Variants in TMEM184C observed in about 807,000 individuals in gnomAD.
TMEM184C encodes transmembrane protein 34.
In TMEM184C, 25 loss-of-function variants were observed where a neutral mutation model predicts 54.5. That is an observed-to-expected ratio of 0.46 (90% CI 0.33 to 0.64). The LOEUF is 0.64. Ranked by LOEUF, TMEM184C falls within the 30% of genes least tolerant of loss-of-function variation. The pLI is 0.02. For synonymous variants in TMEM184C, 148 were observed against 181.5 expected (o/e 0.82, Z 1.49); for missense variants, 335 against 520.3 (o/e 0.64, Z 3.46).
At chr4:147,618,337 A>G (rs181016416) in intron 1 of TMEM184C, among the ~76,000 whole-genome samples, 1 of 152,216 alleles carries the variant, frequency 6.6e-6, no homozygotes, top group African/African-American at 2.4e-5. Flanking sequence ...GCAAGTATTC[A>G]TCAGTTCCCT....
At chr4:147,620,177 T>A (rs978618910) in intron 1 of TMEM184C, among the ~76,000 whole-genome samples, 1 of 152,166 alleles carries the variant, frequency 6.6e-6, no homozygotes, top group African/African-American at 2.4e-5. Flanking sequence ...CATTGTCAAC[T>A]TCCCCCCACC....
chr4:147,631,415 T>C lies in TMEM184C; in HGVS notation c.689T>C (p.Leu230Pro). 6.3e-7 allele frequency: 1 copy of C among 1,594,460 alleles called. No homozygotes were observed. The highest frequency in any genetic ancestry group is 8.5e-7 in the Non-Finnish European group (1 of 1,175,838). ...SQLFAMYCLL[L>P]FYKVLKEELS... is the part of the protein sequence containing the mutation. The stretch of plus-strand genomic sequence containing the variant: ...TAGTTTGCCATGTATTGTCTCCTGC[T>C]CTTTTATAAAGTACTAAAAGAAGAA... The change falls in exon 7 of 10, where the codon CTC (leucine) becomes CCC (proline). Residue 230 changes from leucine (L) to proline (P), a missense_variant. By Grantham distance (98) the Leu-to-Pro change is moderately conservative. Transcript: ENST00000296582.
intron 1 of TMEM184C, among the ~76,000 whole-genome samples, chr4:147,619,988 T>C (rs922232066): frequency 2.6e-5 from 4 of 152,180 alleles, no homozygotes; most frequent in African/African-American, 7.2e-5. Context: ...CCTCTGACTT[T>C]TTCTCCTCAA....
intron 8 of TMEM184C, among the ~76,000 whole-genome samples, chr4:147,633,219 T>C (rs889374843): frequency 6.6e-6 from 1 of 152,108 alleles, no homozygotes; most frequent in Non-Finnish European, 1.5e-5. Context: ...TCCAATTCTC[T>C]TTCCACATTT....
intron 1 of TMEM184C, among the ~76,000 whole-genome samples, chr4:147,620,135 T>G (rs559435398): frequency 3.3e-5 from 5 of 152,332 alleles, no homozygotes; most frequent in African/African-American, 1.2e-4. Context: ...CTTCAGGTCT[T>G]TACTCAAATG....
Position 147,634,688 on chromosome 4 carries a change from A to G in TMEM184C, c.*254A>G, listed in dbSNP as rs932615813. On this transcript the variant is annotated 3_prime_UTR_variant, in exon 10 of 10. Coordinates refer to ENST00000296582, the MANE Select transcript of TMEM184C (RefSeq NM_018241.3). ...CAAATGGTAGACAATGACCCCAACT[A>G]AATCTTCCTGATGTTACACTGCTTT... The G allele has an allele frequency of 2.5e-6, 1 of 405,310 alleles. No homozygotes were observed. Among genetic ancestry groups the G allele is most frequent in the African/African-American group, 2.0e-5 (1 of 48,976 alleles). The allele number at this position is 405,310 out of a possible 1,614,324, so 25.1% of individuals were successfully genotyped here.
intron 6 of TMEM184C, 26 bp downstream of exon 6, chr4:147,629,718 A>C (rs773051022): frequency 9.3e-6 from 14 of 1,513,060 alleles, no homozygotes; most frequent in Admixed American, 2.0e-5. Context: ...ACTTTTCTTA[A>C]ACTGTACTAA....
At chr4:147,623,645 AT>A (rs11400483) in intron 1 of TMEM184C, among the ~76,000 whole-genome samples, 188 bp from the exon 2 acceptor site, 10 of 142,592 alleles carry the variant, frequency 7.0e-5, no homozygotes, top group African/African-American at 1.8e-4. Flanking sequence ...CAATTTTTTA[AT>A]TTTTTTTTTT....
At chr4:147,632,617 T>C (rs1045841402) in intron 7 of TMEM184C, 48 of 340,548 alleles carry the variant, frequency 1.4e-4, no homozygotes, top group African/African-American at 7.9e-4. Context: ...TATGAAAGCA[T>C]GTCCATGTCA....
At chr4:147,619,350 A>G (rs1016696656) in intron 1 of TMEM184C, among the ~76,000 whole-genome samples, 2 of 151,860 alleles carry the variant, frequency 1.3e-5, no homozygotes, top group African/African-American at 4.8e-5. Flanking sequence ...GGTGCCCACC[A>G]CCACACCCAA....
At position 147,634,422 on chromosome 4, in the gene TMEM184C, C is replaced by T. The variant is rs758883939; in HGVS notation, c.1305C>T (p.Ser435=). ...IGEKKEPSDK[S]VDS is the part of the protein sequence containing the mutation. Reference sequence around the variant, plus strand: ...AGAAAAAAGAACCTTCAGATAAATCCGTGGATTCCTGAACAGTATGGAAAA... The same window carrying T: ...AGAAAAAAGAACCTTCAGATAAATCTGTGGATTCCTGAACAGTATGGAAAA... Residue 435 remains serine (S), a synonymous_variant, in exon 10 of 10, where the codon TCC becomes TCT. Coordinates refer to ENST00000296582, the MANE Select transcript of TMEM184C (RefSeq NM_018241.3). 9.3e-6 allele frequency: 15 copies of T among 1,613,702 alleles called. No individual in the cohort carries two copies. Among genetic ancestry groups the T allele is most frequent in the African/African-American group, 6.7e-5 (5 of 74,868 alleles).
intron 7 of TMEM184C, chr4:147,632,691 G>C: frequency 2.1e-6 from 1 of 479,256 alleles, no homozygotes; most frequent in East Asian, 3.2e-5. Flanking sequence ...TGCTCAGCTT[G>C]ACTCCCTATC....
At chr4:147,618,607 A>G (rs1307255586) in intron 1 of TMEM184C, among the ~76,000 whole-genome samples, 1 of 152,216 alleles carries the variant, frequency 6.6e-6, no homozygotes, top group Admixed American at 6.5e-5. Context: ...GTAATGTACT[A>G]CAAGCTGGAA....
rs1732971163 is a variant in TMEM184C, at chr4:147,634,270, T to C, written c.1153T>C (p.Ser385Pro). 6.2e-7 allele frequency: 1 copy of C among 1,614,028 alleles called. No individual in the cohort carries two copies. The highest frequency in any genetic ancestry group is 1.1e-5 in the South Asian group (1 of 91,088). The part of the protein sequence containing the change: ...LLSSSSQDAI[S>P]IASSMPPSPM... ...ATCATCATCATCACAAGATGCAATT[T>C]CCATTGCTTCTTCTATGCCACCTTC... The change falls in exon 10 of 10, where the codon TCC becomes CCC. Residue 385 changes from serine to proline, a missense_variant. By Grantham distance (74) the Ser-to-Pro change is moderately conservative. Transcript: ENST00000296582.
In TMEM184C at chr4:147,635,595, G is replaced by GTATT. The variant is rs1733011809; in HGVS notation, c.*1165_*1168dup. 6.6e-6 allele frequency: 1 copy of GTATT among 152,144 alleles called. No homozygotes were observed. The highest frequency in any genetic ancestry group is 2.4e-5 in the African/African-American group (1 of 41,436). 9.4% of individuals were successfully genotyped at this position (152,144 alleles called of 1,614,324 possible). A position where few individuals can be genotyped will look rare whatever the true frequency, so the allele number is the denominator to read the frequency against. On this transcript the variant is annotated 3_prime_UTR_variant, in exon 10 of 10. Coordinates refer to ENST00000296582, the MANE Select transcript of TMEM184C (RefSeq NM_018241.3). ...TTGTTTCTCAAAGCCTTTGCTTTAT[G>GTATT]TATTTATACACATACTCATTCATAT...
At chr4:147,628,005 A>C (rs1386220993) in intron 4 of TMEM184C, among the ~76,000 whole-genome samples, 1 of 150,810 alleles carries the variant, frequency 6.6e-6, no homozygotes, top group African/African-American at 2.5e-5. Context: ...TCTACAGAAA[A>C]TAAATTAGCC....
At chr4:147,631,329 A>G (rs1732913413) in intron 6 of TMEM184C, 64 bp from the exon 7 acceptor site, 1 of 1,252,142 alleles carries the variant, frequency 8.0e-7, no homozygotes, top group Non-Finnish European at 1.1e-6. Context: ...TCTGGTATGT[A>G]ACTTTAATAT....
intron 4 of TMEM184C, among the ~76,000 whole-genome samples, chr4:147,626,428 G>C (rs1019441381): frequency 6.6e-6 from 1 of 152,206 alleles, no homozygotes; most frequent in Non-Finnish European, 1.5e-5. Context: ...ATTTTGCAAA[G>C]GCAGTTTCAC....
At chr4:147,624,665 T>A (rs1243275774) in intron 3 of TMEM184C, 139 bp from the exon 4 acceptor site, 3 of 712,396 alleles carry the variant, frequency 4.2e-6, no homozygotes, top group South Asian at 4.0e-5. Context: ...CTCATAATGA[T>A]AAATTTTAGA....
Sources: gnomAD v4.1 joint callset for allele counts (sites outside exome capture counted in the v4.1 genomes callset) on GRCh38, gnomAD v4.1.1 for gene constraint, MANE v1.5 for transcripts, NCBI Gene and HGNC (gene_info 2026-07-23, HGNC 2026-07-21) for gene names.